UHRF2: variants seen among roughly 807,000 people sequenced by gnomAD.
UHRF2 encodes E3 ubiquitin-protein ligase UHRF2.
In UHRF2, 23 loss-of-function variants were observed where a neutral mutation model predicts 96.8. The ratio of observed to expected loss-of-function variants is 0.24; its 90% CI spans 0.17 to 0.34. The LOEUF (loss-of-function observed/expected upper bound fraction) is 0.34. UHRF2 is among the 10% of genes least tolerant of loss of function. The pLI, the probability that UHRF2 is intolerant of heterozygous loss-of-function variation, is 1.00. For missense variants in UHRF2, 685 were observed against 981.5 expected (o/e 0.70, Z 4.04); for synonymous variants, 385 against 332.6 (o/e 1.16, Z -1.72).
At chr9:6,502,270 G>T (rs1816330317) in intron 14 of UHRF2, among the ~76,000 whole-genome samples, 1 of 152,200 alleles carries the variant, frequency 6.6e-6, no homozygotes, top group African/African-American at 2.4e-5. Flanking sequence ...GACTGCAGTG[G>T]TCACTGTTTT....
At chr9:6,485,380 T>C (rs1824204994) in intron 8 of UHRF2, among the ~76,000 whole-genome samples, 1 of 152,174 alleles carries the variant, frequency 6.6e-6, no homozygotes, top group African/African-American at 2.4e-5. Flanking sequence ...AGCCTCCTTA[T>C]ATAGTCTAAG....
chr9:6,435,636 T>C (rs1235410088), intron 3 of UHRF2, among the ~76,000 whole-genome samples: 1 of 152,138 alleles, frequency 6.6e-6, no homozygotes, highest in East Asian at 1.9e-4. Flanking sequence ...AGACAGAGTC[T>C]TGCTCTGTCA....
intron 4 of UHRF2, among the ~76,000 whole-genome samples, chr9:6,466,079 A>G (rs1257347619): frequency 1.3e-5 from 2 of 152,240 alleles, no homozygotes; most frequent in African/African-American, 4.8e-5. Context: ...TGAATCCTAT[A>G]GGAAGAAAAT....
intron 9 of UHRF2, among the ~76,000 whole-genome samples, chr9:6,487,781 C>T (rs1388935132): frequency 2.0e-5 from 3 of 152,208 alleles, no homozygotes; most frequent in African/African-American, 4.8e-5. Context: ...GGATTATAGG[C>T]GTGAGCCACG....
intron 4 of UHRF2, among the ~76,000 whole-genome samples, chr9:6,470,625 T>C (rs989217058): frequency 6.6e-6 from 1 of 151,998 alleles, no homozygotes; most frequent in African/African-American, 2.4e-5. Context: ...TAGTGAACTT[T>C]AAAATATACA....
At chr9:6,415,902 C>G (rs193302649) in intron 1 of UHRF2, among the ~76,000 whole-genome samples, 1 of 152,108 alleles carries the variant, frequency 6.6e-6, no homozygotes, top group Non-Finnish European at 1.5e-5. Context: ...AAGTATGGTC[C>G]CTGGATTCTC....
Position 6,475,520 on chromosome 9 carries a change from G to A in UHRF2, c.973+20G>A, listed in dbSNP as rs765542504. The A allele has an allele frequency of 6.8e-7, 1 of 1,475,210 alleles. No homozygotes were observed. Among genetic ancestry groups the A allele is most frequent in the Non-Finnish European group, 9.3e-7 (1 of 1,074,452 alleles). 91.4% of individuals were successfully genotyped at this position (1,475,210 alleles called of 1,614,324 possible). On this transcript the variant is annotated intron_variant, in intron 5 of 15. Coordinates refer to ENST00000276893, the MANE Select transcript of UHRF2 (RefSeq NM_152896.3). ...TTTTAAGTATGGATTTTTGTTTTTGGTCTTAGACTACATGTGTTGTACATG... is the reference window on the plus strand; with the variant it reads ...TTTTAAGTATGGATTTTTGTTTTTGATCTTAGACTACATGTGTTGTACATG...
chr9:6,415,472 G>A (rs1819545295), intron 1 of UHRF2: 1 of 152,202 alleles, frequency 6.6e-6, no homozygotes, highest in South Asian at 2.1e-4. Flanking sequence ...ATGGCAATGA[G>A]TGTTATCTTT....
rs376320991 is a variant in UHRF2, at chr9:6,438,571, A to C, written c.644+4398A>C. On this transcript the variant is annotated intron_variant, in intron 3 of 15. Coordinates refer to ENST00000276893, the MANE Select transcript of UHRF2 (RefSeq NM_152896.3). ...AAACCTGTGCACAATTGTGTCTGCA[A>C]ACCTCTTGAGTGTAGCAGTGTAGTT... Among the ~76,000 whole-genome samples, 54 of 152,320 alleles carry C rather than the reference A, an allele frequency of 3.5e-4. 1 individual carries two copies. In the South Asian group the frequency reaches 0.011, roughly 31 times the overall value.
At position 6,420,977 on chromosome 9, in the gene UHRF2, T is replaced by A. The variant is rs747472385; in HGVS notation, c.219T>A (p.Val73=). Residue 73 remains valine (V), a synonymous_variant, in exon 2 of 16, where the codon GTT becomes GTA. Transcript: ENST00000276893. ...VGLNDIIQLL[V]RPDPDHLPGT... is the part of the protein sequence containing the mutation. Reference sequence around the variant, plus strand: ...TGAATGATATAATTCAGCTGCTAGTTCGCCCAGACCCTGATCATCTTCCTG... The same window carrying A: ...TGAATGATATAATTCAGCTGCTAGTACGCCCAGACCCTGATCATCTTCCTG... The A allele has an allele frequency of 1.2e-6, 2 of 1,614,166 alleles. No individual in the cohort carries two copies. The highest frequency in any genetic ancestry group is 3.3e-5 in the Admixed American group (2 of 60,028).
chr9:6,476,745 C>T (rs1279318670), intron 5 of UHRF2, among the ~76,000 whole-genome samples: 1 of 152,056 alleles, frequency 6.6e-6, no homozygotes, highest in Non-Finnish European at 1.5e-5. Flanking sequence ...CAGGCACCCA[C>T]CACCATGCCT....
At chr9:6,435,006 T>G (rs1158062449) in intron 3 of UHRF2, among the ~76,000 whole-genome samples, 2 of 151,850 alleles carry the variant, frequency 1.3e-5, no homozygotes, top group Non-Finnish European at 2.9e-5. Context: ...CTAGTTTTTT[T>G]TTTTTTTAAT....
At position 6,413,462 on chromosome 9, in the gene UHRF2, A is replaced by AG. The variant is rs1176877224; in HGVS notation, c.-25dup. ...GCGCCCAGAGCTCAGGGGGAGACAAAGGGGACCGGTTCCTCTCTAGGCGCC... is the reference window on the plus strand; with the variant it reads ...GCGCCCAGAGCTCAGGGGGAGACAAAGGGGGACCGGTTCCTCTCTAGGCGCC... On this transcript the variant is annotated 5_prime_UTR_variant, in exon 1 of 16. Transcript: ENST00000276893. 6.7e-7 allele frequency: 1 copy of AG among 1,499,978 alleles called. No individual in the cohort carries two copies. Among genetic ancestry groups the AG allele is most frequent in the Admixed American group, 2.0e-5 (1 of 49,556 alleles). The allele number at this position is 1,499,978 out of a possible 1,614,324, so 92.9% of individuals were successfully genotyped here.
chr9:6,503,792 C>T (rs1816431666), intron 14 of UHRF2, among the ~76,000 whole-genome samples: 1 of 151,912 alleles, frequency 6.6e-6, no homozygotes, highest in South Asian at 2.1e-4. Context: ...CCTTGAGACA[C>T]GTTGCCCATG....
intron 1 of UHRF2, among the ~76,000 whole-genome samples, chr9:6,416,400 C>T: frequency 6.6e-6 from 1 of 151,726 alleles, no homozygotes; most frequent in Non-Finnish European, 1.5e-5. Flanking sequence ...AAATGGAGAC[C>T]TGCAATTCAG....
intron 4 of UHRF2, among the ~76,000 whole-genome samples, chr9:6,472,020 C>G (rs1206876469): frequency 6.6e-6 from 1 of 152,196 alleles, no homozygotes; most frequent in Non-Finnish European, 1.5e-5. Flanking sequence ...TGTACTTACC[C>G]TTAAGTGTAT....
rs149528134 is a variant in UHRF2, at chr9:6,460,657, T to C, written c.729T>C (p.Asn243=). ...ARTILKWNEL[N]VGDVVMVNYN... is the part of the protein sequence containing the mutation. ...CCATTTTGAAATGGAATGAACTAAA[T>C]GTTGGTGATGTGGTAATGGTTAATT... Residue 243 remains asparagine, a synonymous_variant, in exon 4 of 16, where the codon AAT becomes AAC. Coordinates refer to ENST00000276893, the MANE Select transcript of UHRF2 (RefSeq NM_152896.3). 1 of 1,613,714 alleles carries C rather than the reference T, an allele frequency of 6.2e-7. No individual in the cohort carries two copies. The highest frequency in any genetic ancestry group is 8.5e-7 in the Non-Finnish European group (1 of 1,179,950).
chr9:6,494,274 C>CT (rs1322204272), intron 10 of UHRF2: 1 of 208,224 alleles, frequency 4.8e-6, no homozygotes, highest in Non-Finnish European at 9.5e-6. Context: ...TGACAAACTC[C>CT]TTTTTAGAGT....
At chr9:6,442,302 T>C (rs1821215287) in intron 3 of UHRF2, among the ~76,000 whole-genome samples, 1 of 152,136 alleles carries the variant, frequency 6.6e-6, no homozygotes, top group African/African-American at 2.4e-5. Context: ...GGAGATGGGA[T>C]TGAAATAGAT....
Sources: allele counts gnomAD v4.1 joint callset (sites outside exome capture counted in the v4.1 genomes callset), GRCh38; gene constraint gnomAD v4.1.1; transcripts MANE v1.5; gene names NCBI Gene and HGNC (gene_info 2026-07-23, HGNC 2026-07-21).